Variants in RUNDC3B observed in about 807,000 individuals in gnomAD.
The protein encoded by RUNDC3B is RUN domain-containing protein 3B.
RUNDC3B carries 33 observed loss-of-function variants against 58.4 expected under a neutral mutation model. That is an observed-to-expected ratio of 0.56 (90% CI 0.43 to 0.75). RUNDC3B has a LOEUF of 0.75. Ranked by LOEUF, RUNDC3B falls within the 30% of genes least tolerant of loss-of-function variation. RUNDC3B has a pLI of 0.00. For missense variants in RUNDC3B, 501 were observed against 535.7 expected, an observed-to-expected ratio of 0.94 and a Z score of 0.64; for synonymous variants, 193 against 195.2, an observed-to-expected ratio of 0.99 and a Z score of 0.10.
chr7:87,746,617 A>G (rs1383272024), intron 6 of RUNDC3B, among the ~76,000 whole-genome samples: 1 of 152,124 alleles, frequency 6.6e-6, no homozygotes, highest in Non-Finnish European at 1.5e-5. Context: ...GTTTTGTCTG[A>G]TATAAGAATA....
At chr7:87,785,495 G>C (rs956959146) in intron 8 of RUNDC3B, among the ~76,000 whole-genome samples, 13 of 152,212 alleles carry the variant, frequency 8.5e-5, no homozygotes, top group Admixed American at 5.9e-4. Flanking sequence ...GGCCCCATAG[G>C]GTTGAACACC....
At chr7:87,761,927 AC>A (rs1833711476) in intron 6 of RUNDC3B, among the ~76,000 whole-genome samples, 1 of 151,818 alleles carries the variant, frequency 6.6e-6, no homozygotes, top group African/African-American at 2.4e-5. Context: ...TATGAAACAG[AC>A]ATAAAGGTGT....
At chr7:87,645,729 C>T (rs1822938551) in intron 1 of RUNDC3B, among the ~76,000 whole-genome samples, 1 of 152,114 alleles carries the variant, frequency 6.6e-6, no homozygotes, top group African/African-American at 2.4e-5. Flanking sequence ...TTTTATAGCA[C>T]ATCTTAGTTA....
intron 2 of RUNDC3B, among the ~76,000 whole-genome samples, chr7:87,681,377 A>T (rs1826911609): frequency 6.6e-6 from 1 of 150,642 alleles, no homozygotes; most frequent in Non-Finnish European, 1.5e-5. Flanking sequence ...CAAGAAAAGG[A>T]AACTCTACTC....
intron 2 of RUNDC3B, among the ~76,000 whole-genome samples, chr7:87,667,912 T>C (rs1825428271): frequency 6.6e-6 from 1 of 152,150 alleles, no homozygotes; most frequent in Non-Finnish European, 1.5e-5. Context: ...GATTTTTGTA[T>C]TGATGTTCAT....
intron 8 of RUNDC3B, among the ~76,000 whole-genome samples, chr7:87,789,116 A>T (rs1835390761): frequency 6.6e-6 from 1 of 152,216 alleles, no homozygotes; most frequent in Non-Finnish European, 1.5e-5. Context: ...TCTTTGTAAA[A>T]CATGCATTCC....
intron 9 of RUNDC3B, among the ~76,000 whole-genome samples, chr7:87,813,498 T>A (rs1039291863): frequency 6.6e-6 from 1 of 152,282 alleles, no homozygotes; most frequent in South Asian, 2.1e-4. Context: ...ATAATTTTTT[T>A]AAATTTAGAA....
rs187454442 is a variant in RUNDC3B, at chr7:87,677,255, A to G, written c.239-23166A>G. 3.0e-3 allele frequency among the ~76,000 whole-genome samples: 455 copies of G among 150,330 alleles called. 4 individuals are homozygous for G. The highest frequency in any genetic ancestry group is 4.1e-3 in the Non-Finnish European group (278 of 67,664). On this transcript the variant is annotated intron_variant, in intron 2 of 10. Coordinates refer to ENST00000394654, the MANE Select transcript of RUNDC3B (RefSeq NM_001134405.2). ...GTAGCTGTCAACAGAAGGATGGATT[A>G]ATAAACTACAGTGTATATAACACAC...
chr7:87,725,572 G>A (rs543766663), intron 4 of RUNDC3B, among the ~76,000 whole-genome samples: 1 of 152,236 alleles, frequency 6.6e-6, no homozygotes, highest in Non-Finnish European at 1.5e-5. Flanking sequence ...TGTCTTTATA[G>A]CAGCATGATT....
At chr7:87,630,141 AAT>A (rs1821066015) in intron 1 of RUNDC3B, among the ~76,000 whole-genome samples, 1 of 152,178 alleles carries the variant, frequency 6.6e-6, no homozygotes, top group East Asian at 1.9e-4. Context: ...TCCTCTTAAG[AAT>A]CAGATGATGA....
At chr7:87,699,297 G>A (rs1489580626) in intron 2 of RUNDC3B, among the ~76,000 whole-genome samples, 1 of 152,090 alleles carries the variant, frequency 6.6e-6, no homozygotes, top group Non-Finnish European at 1.5e-5. Context: ...TCCTAGGGAA[G>A]ACTAGTCATA....
intron 8 of RUNDC3B, among the ~76,000 whole-genome samples, chr7:87,783,337 T>G (rs1030136933): frequency 6.6e-6 from 1 of 152,202 alleles, no homozygotes; most frequent in Non-Finnish European, 1.5e-5. Flanking sequence ...TGCTCTTTTT[T>G]GTTTTTAGTT....
At position 87,628,748 on chromosome 7, in the gene RUNDC3B, G is replaced by A. The variant is rs1820870016; in HGVS notation, c.-76G>A. 26 of 937,226 alleles carry A rather than the reference G, an allele frequency of 2.8e-5. No homozygotes were observed. The highest frequency in any genetic ancestry group is 3.5e-5 in the Non-Finnish European group (25 of 708,210). The allele number at this position is 937,226 out of a possible 1,614,324, so 58.1% of individuals were successfully genotyped here. ...CCGCGCCCCCACGGTTGCGGACCGAGCGAGAACCCCCTTAAGCAGGTGTGG... is the reference window on the plus strand; with the variant it reads ...CCGCGCCCCCACGGTTGCGGACCGAACGAGAACCCCCTTAAGCAGGTGTGG... On this transcript the variant is annotated 5_prime_UTR_variant, in exon 1 of 11. Coordinates refer to ENST00000394654, the MANE Select transcript of RUNDC3B (RefSeq NM_001134405.2).
intron 2 of RUNDC3B, among the ~76,000 whole-genome samples, chr7:87,696,680 G>A (rs1828519107): frequency 6.6e-6 from 1 of 152,034 alleles, no homozygotes; most frequent in Non-Finnish European, 1.5e-5. Flanking sequence ...GGAAAAGGAA[G>A]GAAGCCAGAA....
chr7:87,632,705 T>C (rs1821347567), intron 1 of RUNDC3B, among the ~76,000 whole-genome samples: 1 of 152,224 alleles, frequency 6.6e-6, no homozygotes, highest in African/African-American at 2.4e-5. Flanking sequence ...AGTCATTTTT[T>C]CTGTCCTTTA....
intron 6 of RUNDC3B, among the ~76,000 whole-genome samples, chr7:87,763,809 G>C (rs145693251): frequency 1.3e-5 from 2 of 151,722 alleles, no homozygotes; most frequent in Non-Finnish European, 3.0e-5. Flanking sequence ...TTATTGGTTT[G>C]TTTTCTAGAT....
At chr7:87,829,382 C>A (rs1321319713) in intron 10 of RUNDC3B, among the ~76,000 whole-genome samples, 1 of 151,814 alleles carries the variant, frequency 6.6e-6, no homozygotes, top group Non-Finnish European at 1.5e-5. Flanking sequence ...GTCATAAATT[C>A]TTTTCCTTAT....
At chr7:87,660,960 G>C (rs769498687) in intron 2 of RUNDC3B, among the ~76,000 whole-genome samples, 21 of 152,004 alleles carry the variant, frequency 1.4e-4, no homozygotes, top group Middle Eastern at 3.5e-3. Context: ...ACTTACTTAA[G>C]GGCCTAGTTT....
At chr7:87,649,497 ATGTT>A (rs1203510822) in intron 1 of RUNDC3B, among the ~76,000 whole-genome samples, 17 of 152,294 alleles carry the variant, frequency 1.1e-4, no homozygotes, top group Admixed American at 8.5e-4. Flanking sequence ...TGCAAATAAA[ATGTT>A]TGTTTGTGCT....
Sources: allele counts gnomAD v4.1 joint callset (sites outside exome capture counted in the v4.1 genomes callset), GRCh38; gene constraint gnomAD v4.1.1; transcripts MANE v1.5; gene names NCBI Gene and HGNC (gene_info 2026-07-23, HGNC 2026-07-21).